The following TNS1 variants were observed in gnomAD, a reference collection of about 807,000 sequenced individuals.
The protein encoded by TNS1 is tensin 1.
Under a neutral mutation model 168.6 loss-of-function variants are expected in TNS1, and 62 were observed. That is an observed-to-expected ratio of 0.37 (90% CI 0.30 to 0.45). The LOEUF (loss-of-function observed/expected upper bound fraction) is 0.45, where lower values mean the gene tolerates loss of function less well. Among genes scored for constraint, TNS1 ranks in the 20% least tolerant of loss-of-function variants. The pLI, the probability that TNS1 is intolerant of heterozygous loss-of-function variation, is 1.00. For synonymous variants in TNS1, 934 were observed against 933.2 expected, an observed-to-expected ratio of 1.00 and a Z score of -0.02; for missense variants, 2,240 against 2,339.4, an observed-to-expected ratio of 0.96 and a Z score of 0.88.
intron 6 of TNS1, among the ~76,000 whole-genome samples, chr2:217,901,118 C>T (rs1023414728): frequency 2.0e-5 from 3 of 152,204 alleles, no homozygotes; most frequent in African/African-American, 7.2e-5. Flanking sequence ...CACCCACTCC[C>T]CTTTTCACAG....
At chr2:217,808,245 C>T (rs1939599143) in intron 31 of TNS1, 138 bp from the exon 32 acceptor site, 1 of 1,037,832 alleles carries the variant, frequency 9.6e-7, no homozygotes, top group East Asian at 2.6e-5. Context: ...CCCATTCCCC[C>T]ATTCCCCAGG....
chr2:217,886,256 G>A (rs981168967), intron 13 of TNS1, 152 bp from the exon 14 acceptor site: 20 of 828,376 alleles, frequency 2.4e-5, no homozygotes, highest in Non-Finnish European at 3.8e-5. Flanking sequence ...AAGAGTAAAA[G>A]AGGAAGCAGA....
rs778651964 is a variant in TNS1 at position 217,818,700 on chromosome 2, G to A, written c.3632C>T (p.Thr1211Ile). 6.2e-7 allele frequency: 1 copy of A among 1,614,174 alleles called. No homozygotes were observed. The highest frequency in any genetic ancestry group is 1.3e-5 in the African/African-American group (1 of 75,054). The change falls in exon 24 of 33, where the codon ACC becomes ATC. Residue 1211 changes from threonine (T) to isoleucine (I), a missense_variant. This residue lies in a region of TNS1 where 2,131 missense variants were observed against 2,171.2 expected (regional missense o/e 0.98). Transcript: ENST00000682258. ...ESSDQGPRTPTQPLLESGFRS... is the reference protein window; with the variant it reads ...ESSDQGPRTPIQPLLESGFRS... ...GAAGCCAGACTCCAACAGAGGCTGGGTGGGCGTCCGGGGACCCTGGTCACT... is the reference window on the plus strand; with the variant it reads ...GAAGCCAGACTCCAACAGAGGCTGGATGGGCGTCCGGGGACCCTGGTCACT...
At chr2:217,898,365 G>A (rs898676799) in intron 7 of TNS1, among the ~76,000 whole-genome samples, 6 of 152,200 alleles carry the variant, frequency 3.9e-5, no homozygotes, top group Admixed American at 6.5e-5. Context: ...GAAGTCTCCC[G>A]AAAGGCCCCA....
At chr2:217,993,975 G>C (rs1293896409) in intron 1 of TNS1, among the ~76,000 whole-genome samples, 1 of 152,246 alleles carries the variant, frequency 6.6e-6, no homozygotes, top group Non-Finnish European at 1.5e-5. Flanking sequence ...AGGGATGGGG[G>C]AGCAGAGACA....
rs945662215 is a variant in TNS1, at chr2:217,995,662, C to A, written c.34-4606G>T. On this transcript the variant is annotated intron_variant, in intron 1 of 32. Transcript: ENST00000682258. The surrounding 1 kb of genome is among the most constrained non-coding windows in gnomAD (Gnocchi z 4.1). ...GTGGCAGACGGCCTCACGGAGCACA[C>A]CCCGGGGCCCTTCCTTTGCTGGCTG... Among the ~76,000 whole-genome samples, 2 of 152,050 alleles carry A rather than the reference C, an allele frequency of 1.3e-5. No homozygotes were observed. The highest frequency in any genetic ancestry group is 4.8e-5 in the African/African-American group (2 of 41,342).
upstream of TNS1, among the ~76,000 whole-genome samples, chr2:218,007,556 G>A (rs1351564862): frequency 8.9e-6 from 1 of 112,690 alleles, no homozygotes; most frequent in South Asian, 4.9e-4. Context: ...TGACCCTGAG[G>A]CTCGGGGGGT....
At chr2:217,842,685 G>A (rs1015769766) in intron 19 of TNS1, among the ~76,000 whole-genome samples, 1 of 152,076 alleles carries the variant, frequency 6.6e-6, no homozygotes, top group Non-Finnish European at 1.5e-5. Flanking sequence ...CATGCCACAC[G>A]GAGTAAAAGC....
rs73990605 is a variant in TNS1 at position 217,883,805 on chromosome 2, G to A, written c.1246+1230C>T. Among the ~76,000 whole-genome samples, 486 of 152,224 alleles carry A rather than the reference G, an allele frequency of 3.2e-3. 1 individual carries two copies. The highest frequency in any genetic ancestry group is 0.011 in the African/African-American group (461 of 41,540). ...TCATTAAAGAAACACCCTTCTACAT[G>A]AGCCAGACCACACTAAGGAGATCTG... On this transcript the variant is annotated intron_variant, in intron 16 of 32. Coordinates refer to ENST00000682258, the MANE Select transcript of TNS1 (RefSeq NM_001387777.1).
chr2:217,933,626 T>TG, intron 3 of TNS1, among the ~76,000 whole-genome samples: 1 of 152,040 alleles, frequency 6.6e-6, no homozygotes, highest in South Asian at 2.1e-4. Flanking sequence ...CCAGCAGAGA[T>TG]GGGGGGAACA....
intron 7 of TNS1, 24 bp from the exon 8 acceptor site, chr2:217,897,993 G>A (rs985165061): frequency 7.6e-6 from 12 of 1,588,222 alleles, no homozygotes; most frequent in Non-Finnish European, 1.0e-5. Flanking sequence ...AGGCAGCGGA[G>A]GGTCCATATC....
intron 1 of TNS1, among the ~76,000 whole-genome samples, chr2:218,016,508 G>T (rs1958761477): frequency 6.6e-6 from 1 of 152,162 alleles, no homozygotes; most frequent in South Asian, 2.1e-4. Context: ...CCCAGACAAT[G>T]GTTACTGCAG....
intron 18 of TNS1, among the ~76,000 whole-genome samples, chr2:217,867,167 G>T (rs1949352999): frequency 6.6e-6 from 1 of 152,128 alleles, no homozygotes. Flanking sequence ...CATATTGGGG[G>T]GTGCATATTA....
At chr2:217,815,071 C>G in intron 24 of TNS1, 73 bp from the exon 25 acceptor site, 1 of 1,234,142 alleles carries the variant, frequency 8.1e-7, no homozygotes, top group Non-Finnish European at 1.2e-6. Flanking sequence ...AAAGTCCTGG[C>G]CCCCAGTGCT....
At chr2:217,916,993 G>A (rs942806143) in intron 4 of TNS1, among the ~76,000 whole-genome samples, 7 of 152,278 alleles carry the variant, frequency 4.6e-5, no homozygotes, top group South Asian at 2.1e-4. Context: ...ATACAAACCC[G>A]CCCTTTCCTC....
Position 217,909,050 on chromosome 2 carries a change from G to A in TNS1, c.229-1799C>T, listed in dbSNP as rs866426987. Among the ~76,000 whole-genome samples, 94 of 151,632 alleles carry A rather than the reference G, an allele frequency of 6.2e-4. No individual in the cohort carries two copies. In the Middle Eastern group the frequency reaches 0.02, roughly 33 times the overall value. The stretch of plus-strand genomic sequence containing the variant: ...TTAGGACCAGGTGCTCCCCTCAGCC[G>A]CCAACAACCCAGCCCCACCCACCCC... On this transcript the variant is annotated intron_variant, in intron 4 of 32. Coordinates refer to ENST00000682258, the MANE Select transcript of TNS1 (RefSeq NM_001387777.1).
At chr2:217,947,907 C>A (rs1419170506) in intron 3 of TNS1, among the ~76,000 whole-genome samples, 1 of 152,198 alleles carries the variant, frequency 6.6e-6, no homozygotes, top group Non-Finnish European at 1.5e-5. Context: ...GTGCACTCCA[C>A]ACAGATGCGC....
Position 217,961,624 on chromosome 2 carries a change from G to T in TNS1, c.186+17141C>A, listed in dbSNP as rs147205847. ...CCCTCACAGAGAGTGGGAATCAAAGGTCACAGCTGAAAACGAAAGATGCCA... is the reference window on the plus strand; with the variant it reads ...CCCTCACAGAGAGTGGGAATCAAAGTTCACAGCTGAAAACGAAAGATGCCA... On this transcript the variant is annotated intron_variant, in intron 3 of 32. Transcript: ENST00000682258. 7.9e-5 allele frequency among the ~76,000 whole-genome samples: 12 copies of T among 152,254 alleles called. No individual in the cohort carries two copies. In the East Asian group the frequency reaches 2.1e-3, roughly 27 times the overall value.
chr2:218,014,758 G>A (rs187965275), upstream of TNS1, among the ~76,000 whole-genome samples: 121 of 152,232 alleles, frequency 7.9e-4, 1 homozygote, highest in Non-Finnish European at 7.9e-4. Context: ...CAGTCCCAGA[G>A]GCCCTTGTCA....
Sources: allele counts gnomAD v4.1 joint callset (sites outside exome capture counted in the v4.1 genomes callset), GRCh38; gene constraint gnomAD v4.1.1; regional missense constraint gnomAD v4.1.1; non-coding constraint Gnocchi (gnomAD v3.1); transcripts MANE v1.5; gene names NCBI Gene and HGNC (gene_info 2026-07-23, HGNC 2026-07-21).